The following HS2ST1 variants were observed in gnomAD, a reference collection of about 807,000 sequenced individuals.
HS2ST1 encodes the protein heparan sulfate 2-O-sulfotransferase 1.
A neutral mutation model predicts 42.9 loss-of-function variants in HS2ST1; 18 were observed. The observed-to-expected ratio is 0.42, with a 90% CI of 0.29 to 0.62. HS2ST1 has a LOEUF of 0.62. HS2ST1 is among the 20% of genes least tolerant of loss of function. HS2ST1 has a pLI of 0.21. For missense variants in HS2ST1, 334 were observed against 433.8 expected, an observed-to-expected ratio of 0.77 and a Z score of 2.04; for synonymous variants, 146 against 152.9, an observed-to-expected ratio of 0.95 and a Z score of 0.33.
chr1:86,938,625 G>A (rs1660701056), intron 1 of HS2ST1, among the ~76,000 whole-genome samples: 1 of 152,098 alleles, frequency 6.6e-6, no homozygotes, highest in Non-Finnish European at 1.5e-5. Flanking sequence ...GGGTGGATGA[G>A]TAAAAAGAAA....
intron 1 of HS2ST1, among the ~76,000 whole-genome samples, chr1:86,975,736 G>A (rs996356235): frequency 1.3e-5 from 2 of 152,104 alleles, no homozygotes; most frequent in Admixed American, 6.5e-5. Context: ...GCTTTTAAAT[G>A]TAACTGATGG....
At chr1:87,062,465 A>G (rs1651141135) in intron 1 of HS2ST1, among the ~76,000 whole-genome samples, 1 of 151,942 alleles carries the variant, frequency 6.6e-6, no homozygotes, top group Admixed American at 6.5e-5. Context: ...TTGTCTTTTT[A>G]TTCTCCCTCA....
intron 1 of HS2ST1, among the ~76,000 whole-genome samples, chr1:86,969,474 C>G (rs1273240127): frequency 6.6e-6 from 1 of 151,980 alleles, no homozygotes; most frequent in Non-Finnish European, 1.5e-5. Flanking sequence ...TTCATTTCAG[C>G]GTGAAGGTTG....
At chr1:87,104,384 C>A in intron 6 of HS2ST1, 86 bp from the exon 7 acceptor site, 3 of 821,948 alleles carry the variant, frequency 3.6e-6, no homozygotes, top group Non-Finnish European at 6.1e-6. Flanking sequence ...GTCATATTAA[C>A]CACCTCTTCA....
chr1:87,092,342 C>T (rs570996819), intron 3 of HS2ST1, among the ~76,000 whole-genome samples, 189 bp from the exon 4 acceptor site: 2 of 151,568 alleles, frequency 1.3e-5, no homozygotes, highest in African/African-American at 4.8e-5. Flanking sequence ...TTCTTGTTTA[C>T]TTTATTCTGA....
At chr1:87,005,160 A>G (rs1473634856) in intron 1 of HS2ST1, among the ~76,000 whole-genome samples, 1 of 152,128 alleles carries the variant, frequency 6.6e-6, no homozygotes, top group Non-Finnish European at 1.5e-5. Context: ...ATGAATCTCA[A>G]ATTGAGAAGG....
Position 87,013,793 on chromosome 1 carries a change from C to G in HS2ST1, c.125-59141C>G, listed in dbSNP as rs558374485. 1.2e-3 allele frequency among the ~76,000 whole-genome samples: 183 copies of G among 152,292 alleles called. 1 individual carries two copies. Among genetic ancestry groups the G allele is most frequent in the African/African-American group, 4.1e-3 (172 of 41,556 alleles). On this transcript the variant is annotated intron_variant, in intron 1 of 6. Transcript: ENST00000370550. Reference sequence around the variant, plus strand: ...ATGCATTTAACAGCACCCAAGTCACCTCTTGAACACTTTGCTGCTTGGAAA... The same window carrying G: ...ATGCATTTAACAGCACCCAAGTCACGTCTTGAACACTTTGCTGCTTGGAAA...
chr1:86,956,162 C>G (rs1041181287), intron 1 of HS2ST1, among the ~76,000 whole-genome samples: 1 of 147,044 alleles, frequency 6.8e-6, no homozygotes, highest in African/African-American at 2.7e-5. Context: ...GAAAGGACTT[C>G]AGCAACAATT....
At chr1:86,918,232 A>G (rs1454700257) in intron 1 of HS2ST1, among the ~76,000 whole-genome samples, 1 of 152,084 alleles carries the variant, frequency 6.6e-6, no homozygotes, top group East Asian at 1.9e-4. Context: ...AAATTCAGTA[A>G]TACAGCTTTT....
rs1295434736 is a variant in HS2ST1, at chr1:87,107,160, C to G, written c.*2464C>G. The G allele has an allele frequency of 6.6e-6, 1 of 152,066 alleles. No homozygotes were observed. 9.4% of individuals were successfully genotyped at this position (152,066 alleles called of 1,614,324 possible). A position where few individuals can be genotyped will look rare whatever the true frequency, so the allele number is the denominator to read the frequency against. On this transcript the variant is annotated 3_prime_UTR_variant, in exon 7 of 7. Coordinates refer to ENST00000370550, the MANE Select transcript of HS2ST1 (RefSeq NM_012262.4). ...AAATCATTATTTATGGAGAAATCCT[C>G]TTTGTGTCTCTACTCTAGATGCCTA...
intron 1 of HS2ST1, among the ~76,000 whole-genome samples, chr1:86,986,039 C>CTTTT (rs11377612): frequency 1.7e-4 from 23 of 133,814 alleles, no homozygotes; most frequent in Non-Finnish European, 1.3e-4. Flanking sequence ...AGCTTGGCCT[C>CTTTT]TTTTTTTTTT....
intron 1 of HS2ST1, among the ~76,000 whole-genome samples, chr1:86,973,193 T>A (rs75153933): frequency 5.3e-5 from 8 of 151,596 alleles, no homozygotes; most frequent in South Asian, 2.1e-4. Context: ...GTTCTTAAAT[T>A]TTTTTTTTAA....
chr1:86,985,888 C>T (rs1175808836), intron 1 of HS2ST1, among the ~76,000 whole-genome samples: 1 of 152,004 alleles, frequency 6.6e-6, no homozygotes, highest in Non-Finnish European at 1.5e-5. Flanking sequence ...AATTTCTGTT[C>T]AACTAGAAGG....
chr1:87,094,828 C>T (rs978674493), intron 4 of HS2ST1, among the ~76,000 whole-genome samples: 10 of 151,886 alleles, frequency 6.6e-5, no homozygotes, highest in Non-Finnish European at 1.0e-4. Context: ...TTTTTAACTT[C>T]GTTATAAAAT....
At chr1:87,013,814 G>A (rs10747336) in intron 1 of HS2ST1, among the ~76,000 whole-genome samples, 117,591 of 152,132 alleles carry the variant, frequency 0.77, 46,425 homozygotes, top group East Asian at 0.97. Context: ...TTTGCTGCTT[G>A]GAAATTTCTT....
intron 1 of HS2ST1, among the ~76,000 whole-genome samples, chr1:87,013,274 C>T (rs1257342998): frequency 2.6e-5 from 4 of 152,246 alleles, no homozygotes; most frequent in Admixed American, 2.6e-4. Flanking sequence ...TCCATACAAC[C>T]TCTGAAATCT....
rs1216352123 is a variant in HS2ST1 at position 87,011,651 on chromosome 1, TTG to T, written c.125-61281_125-61280del. Among the ~76,000 whole-genome samples, 4 of 152,212 alleles carry T rather than the reference TTG, an allele frequency of 2.6e-5. No individual in the cohort carries two copies. The South Asian group carries it at 8.3e-4, about 32-fold the overall frequency. On this transcript the variant is annotated intron_variant, in intron 1 of 6. Coordinates refer to ENST00000370550, the MANE Select transcript of HS2ST1 (RefSeq NM_012262.4). ...AATAATAGAATTAGGGCATTGTATA[TTG>T]TTATTTTATAGGACAGCCATCTGTC...
chr1:87,067,852 A>C (rs570828334), intron 1 of HS2ST1, among the ~76,000 whole-genome samples: 2 of 152,160 alleles, frequency 1.3e-5, no homozygotes, highest in South Asian at 4.1e-4. Flanking sequence ...TGTTTTTGTC[A>C]GGTTTGTCAA....
rs1652315528 is a variant in HS2ST1 at position 87,105,916 on chromosome 1, A to T, written c.*1220A>T. The stretch of plus-strand genomic sequence containing the variant: ...GTCAAAAAACTTGATTTCAGGTCCT[A>T]GCTCTAGCACTTACAGCTGTGTGAT... On this transcript the variant is annotated 3_prime_UTR_variant, in exon 7 of 7. Coordinates refer to ENST00000370550, the MANE Select transcript of HS2ST1 (RefSeq NM_012262.4). 1 of 152,564 alleles carries T rather than the reference A, an allele frequency of 6.6e-6. No homozygotes were observed. Among genetic ancestry groups the T allele is most frequent in the Non-Finnish European group, 1.5e-5 (1 of 68,050 alleles). 9.5% of individuals were successfully genotyped at this position (152,564 alleles called of 1,614,324 possible).
Sources: allele counts gnomAD v4.1 joint callset (sites outside exome capture counted in the v4.1 genomes callset), GRCh38; gene constraint gnomAD v4.1.1; transcripts MANE v1.5; gene names NCBI Gene and HGNC (gene_info 2026-07-23, HGNC 2026-07-21).